The following ISL1 variants were observed in gnomAD, a reference collection of about 807,000 sequenced individuals.
ISL1 encodes insulin gene enhancer protein ISL-1.
In ISL1, 4 loss-of-function variants were observed where a neutral mutation model predicts 35.3. The observed-to-expected ratio is 0.11, with a 90% CI of 0.06 to 0.26. ISL1 has a LOEUF of 0.26. Ranked by LOEUF, ISL1 falls within the 10% of genes least tolerant of loss-of-function variation. The pLI is 1.00. For missense variants in ISL1, 340 were observed against 472.8 expected (o/e 0.72, Z 2.60); for synonymous variants, 186 against 172.3 (o/e 1.08, Z -0.62).
In ISL1 at chr5:51,389,555, GGGCA is replaced by G; in HGVS notation, c.479-90_479-87del. ...CGAGCAAGTAAGCGGGCGGGCGGGC[GGGCA>G]AGCGAGCGAGCGAGCGAGCGCGCGA... On this transcript the variant is annotated intron_variant, in intron 3 of 5. Transcript: ENST00000230658. The surrounding 1 kb of genome is among the most constrained non-coding windows in gnomAD (Gnocchi z 5.0). 1 of 1,121,774 alleles carries G rather than the reference GGGCA, an allele frequency of 8.9e-7. No homozygotes were observed. Among genetic ancestry groups the G allele is most frequent in the East Asian group, 3.3e-5 (1 of 29,874 alleles). The allele number at this position is 1,121,774 out of a possible 1,614,324, so 69.5% of individuals were successfully genotyped here.
At chr5:51,391,164 A>G (rs753838802) in intron 4 of ISL1, 110 bp from the exon 5 acceptor site, 4 of 992,802 alleles carry the variant, frequency 4.0e-6, no homozygotes, top group Non-Finnish European at 4.5e-6. Context: ...AATAAAGACC[A>G]CTATATAGAT....
Position 51,387,347 on chromosome 5 carries a change from C to T in ISL1, c.219-143C>T. 1 of 862,428 alleles carries T rather than the reference C, an allele frequency of 1.2e-6. No individual in the cohort carries two copies. The highest frequency in any genetic ancestry group is 1.9e-6 in the Non-Finnish European group (1 of 533,776). The allele number at this position is 862,428 out of a possible 1,614,324, so 53.4% of individuals were successfully genotyped here. Reference sequence around the variant, plus strand: ...GGGTTTCATTTCTGTCCTTCTGTTTCCAACTTCTGTTTGGAAATGCTGTTT... The same window carrying T: ...GGGTTTCATTTCTGTCCTTCTGTTTTCAACTTCTGTTTGGAAATGCTGTTT... On this transcript the variant is annotated intron_variant, in intron 2 of 5. Coordinates refer to ENST00000230658, the MANE Select transcript of ISL1 (RefSeq NM_002202.3). The surrounding 1 kb of genome is among the most constrained non-coding windows in gnomAD (Gnocchi z 4.3).
In ISL1 at chr5:51,387,382, G is replaced by T. The variant is rs146340606; in HGVS notation, c.219-108G>T. ...TTTGGAAATGCTGTTTACTTGGGGCGTCTTGCCCGGGATCTTGGGCCAGGG... is the reference window on the plus strand; with the variant it reads ...TTTGGAAATGCTGTTTACTTGGGGCTTCTTGCCCGGGATCTTGGGCCAGGG... On this transcript the variant is annotated intron_variant, in intron 2 of 5. Transcript: ENST00000230658. The surrounding 1 kb of genome is among the most constrained non-coding windows in gnomAD (Gnocchi z 4.3). 1.6e-6 allele frequency: 2 copies of T among 1,232,520 alleles called. No homozygotes were observed. The highest frequency in any genetic ancestry group is 5.0e-5 in the East Asian group (2 of 39,634). The allele number at this position is 1,232,520 out of a possible 1,614,324, so 76.3% of individuals were successfully genotyped here. A position where few individuals can be genotyped will look rare whatever the true frequency, so the allele number is the denominator to read the frequency against.
intron 4 of ISL1, among the ~76,000 whole-genome samples, chr5:51,390,262 G>A (rs1218756969): frequency 1.3e-5 from 2 of 152,220 alleles, no homozygotes; most frequent in Non-Finnish European, 2.9e-5. Flanking sequence ...AGGGCAGGCG[G>A]CAACGAGGTT....
rs76962366 is a variant in ISL1, at chr5:51,389,419, A to G, written c.479-227A>G. ...CTCAGCAAAGACCTCTGCAGATTAG[A>G]GAGGAAGATTTTATTCTCCCTTTCA... On this transcript the variant is annotated intron_variant, in intron 3 of 5. Coordinates refer to ENST00000230658, the MANE Select transcript of ISL1 (RefSeq NM_002202.3). This position sits in a 1 kb window ranked among gnomAD's most constrained non-coding sequence, Gnocchi z 5.0. 0.019 allele frequency among the ~76,000 whole-genome samples: 2,929 copies of G among 152,216 alleles called. 42 individuals are homozygous for G. Among genetic ancestry groups the G allele is most frequent in the Non-Finnish European group, 0.03 (2,069 of 68,008 alleles).
chr5:51,391,171 A>C, intron 4 of ISL1, 103 bp from the exon 5 acceptor site: 1 of 1,091,988 alleles, frequency 9.2e-7, no homozygotes, highest in Admixed American at 2.1e-5. Flanking sequence ...ACCACTATAT[A>C]GATAAGATAA....
Position 51,383,681 on chromosome 5 carries a change from A to T in ISL1, c.10A>T (p.Met4Leu), listed in dbSNP as rs749308235. 3.7e-6 allele frequency: 6 copies of T among 1,611,240 alleles called. No homozygotes were observed. In the Admixed American group the frequency reaches 8.3e-5, roughly 22 times the overall value. The change falls in exon 1 of 6, where the codon ATG becomes TTG. Residue 4 changes from methionine to leucine, a missense_variant. Transcript: ENST00000230658. Reference protein sequence around the residue: MGDMGDPPKKKRLI... With the variant: MGDLGDPPKKKRLI... ...ACTCCCTCTTACAGATATGGGAGAC[A>T]TGGGAGATCCACCAAAAAGTAAGAG... is the stretch of plus-strand genomic sequence containing the variant.
At chr5:51,390,718 C>A (rs1313617711) in intron 4 of ISL1, among the ~76,000 whole-genome samples, 1 of 112,514 alleles carries the variant, frequency 8.9e-6, no homozygotes, top group Non-Finnish European at 1.7e-5. Flanking sequence ...ATAAAATCTG[C>A]TGTCATTAAA....
In ISL1 at chr5:51,389,572, A is replaced by AGCGAGCGC. The variant is rs1747434347; in HGVS notation, c.479-69_479-62dup. Reference sequence around the variant, plus strand: ...GGGCGGGCGGGCAAGCGAGCGAGCGAGCGAGCGCGCGACCGCGGGCGGGCC... The same window carrying AGCGAGCGC: ...GGGCGGGCGGGCAAGCGAGCGAGCGAGCGAGCGCGCGAGCGCGCGACCGCGGGCGGGCC... On this transcript the variant is annotated intron_variant, in intron 3 of 5. Transcript: ENST00000230658. This position sits in a 1 kb window ranked among gnomAD's most constrained non-coding sequence, Gnocchi z 5.0. 7 of 1,323,096 alleles carry AGCGAGCGC rather than the reference A, an allele frequency of 5.3e-6. No individual in the cohort carries two copies. The highest frequency in any genetic ancestry group is 6.8e-6 in the Non-Finnish European group (7 of 1,030,440). The allele number at this position is 1,323,096 out of a possible 1,614,324, so 82.0% of individuals were successfully genotyped here.
At position 51,389,674 on chromosome 5, in the gene ISL1, C is replaced by T. The variant is rs1311536492; in HGVS notation, c.507C>T (p.Ala169=). 3 of 1,611,738 alleles carry T rather than the reference C, an allele frequency of 1.9e-6. No homozygotes were observed. Among genetic ancestry groups the T allele is most frequent in the African/African-American group, 1.3e-5 (1 of 74,884 alleles). Reference sequence around the variant, plus strand: ...AGCCCATCTCCGCCAGGCAGCCAGCCCTGCGGCCCCACGTCCACAAGCAGC... The same window carrying T: ...AGCCCATCTCCGCCAGGCAGCCAGCTCTGCGGCCCCACGTCCACAAGCAGC... ...AAEPISARQP[A]LRPHVHKQPE... The change falls in exon 4 of 6, where the codon GCC becomes GCT. Residue 169 remains alanine (A), a synonymous_variant. Coordinates refer to ENST00000230658, the MANE Select transcript of ISL1 (RefSeq NM_002202.3). This position sits in a 1 kb window ranked among gnomAD's most constrained non-coding sequence, Gnocchi z 5.0.
Position 51,383,541 on chromosome 5 carries a change from G to C in ISL1, c.-131G>C. On this transcript the variant is annotated 5_prime_UTR_variant, in exon 1 of 6. Coordinates refer to ENST00000230658, the MANE Select transcript of ISL1 (RefSeq NM_002202.3). Reference sequence around the variant, plus strand: ...CGAGGGCGCGGCGCAGCCGAGCAGCGGCTCTTTCAGCATTGGCAACCCCAG... The same window carrying C: ...CGAGGGCGCGGCGCAGCCGAGCAGCCGCTCTTTCAGCATTGGCAACCCCAG... 4 of 820,558 alleles carry C rather than the reference G, an allele frequency of 4.9e-6. No individual in the cohort carries two copies. The Admixed American group carries it at 7.2e-5, about 15-fold the overall frequency. 50.8% of individuals were successfully genotyped at this position (820,558 alleles called of 1,614,324 possible).
intron 1 of ISL1, 118 bp from the exon 2 acceptor site, chr5:51,384,414 AAAAAGAAAG>A: frequency 1.2e-6 from 1 of 800,686 alleles, no homozygotes; most frequent in East Asian, 2.6e-5. Context: ...AAAAAAAAAA[AAAAAGAAAG>A]AAAGAAAGAA....
intron 1 of ISL1, among the ~76,000 whole-genome samples, chr5:51,383,984 GAGA>G (rs1306392909): frequency 6.6e-6 from 1 of 152,132 alleles, no homozygotes; most frequent in South Asian, 2.1e-4. Flanking sequence ...TGAGCTCTCC[GAGA>G]AGGTTATTAT....
In ISL1 at chr5:51,389,647, G is replaced by T; in HGVS notation, c.480G>T (p.Ala160=). 1 of 1,607,838 alleles carries T rather than the reference G, an allele frequency of 6.2e-7. No homozygotes were observed. The highest frequency in any genetic ancestry group is 8.5e-7 in the Non-Finnish European group (1 of 1,179,218). ...CTCACGGCGCTCCTTGCCCCGCAGC[G>T]GAGCCCATCTCCGCCAGGCAGCCAG... is the stretch of plus-strand genomic sequence containing the variant. The part of the protein sequence containing the change: ...LHPARPLQMA[A]EPISARQPAL... Residue 160 remains alanine (A), a splice_region_variant and synonymous_variant, in exon 4 of 6, where the codon GCG becomes GCT. Coordinates refer to ENST00000230658, the MANE Select transcript of ISL1 (RefSeq NM_002202.3). This position sits in a 1 kb window ranked among gnomAD's most constrained non-coding sequence, Gnocchi z 5.0.
At chr5:51,392,597 A>C (rs901020677) in intron 5 of ISL1, among the ~76,000 whole-genome samples, 3 of 152,196 alleles carry the variant, frequency 2.0e-5, no homozygotes, top group African/African-American at 7.2e-5. Flanking sequence ...CTGTAGAAAG[A>C]AATGTAGGCT....
intron 2 of ISL1, 59 bp downstream of exon 2, chr5:51,384,789 T>C: frequency 3.4e-6 from 5 of 1,467,242 alleles, no homozygotes; most frequent in Non-Finnish European, 4.8e-6. Flanking sequence ...TCCCCACTCT[T>C]TATGTATTAT....
In ISL1 at chr5:51,393,551, A is replaced by C. The variant is rs754326704; in HGVS notation, c.991A>C (p.Met331Leu). 6.2e-7 allele frequency: 1 copy of C among 1,614,022 alleles called. No homozygotes were observed. Among genetic ancestry groups the C allele is most frequent in the Non-Finnish European group, 8.5e-7 (1 of 1,179,874 alleles). Reference protein sequence around the residue: ...SNSTGSEVASMSSQLPDTPNS... With the variant: ...SNSTGSEVASLSSQLPDTPNS... ...TTCCACTGGCAGTGAAGTAGCATCAATGTCCTCTCAACTTCCAGATACACC... is the reference window on the plus strand; with the variant it reads ...TTCCACTGGCAGTGAAGTAGCATCACTGTCCTCTCAACTTCCAGATACACC... Residue 331 changes from methionine (M) to leucine (L), a missense_variant, in exon 6 of 6, where the codon ATG becomes CTG. Physicochemically the swap from Met to Leu is conservative, Grantham distance 15. Transcript: ENST00000230658.
At chr5:51,390,471 T>A (rs1561208201) in intron 4 of ISL1, among the ~76,000 whole-genome samples, 1 of 151,974 alleles carries the variant, frequency 6.6e-6, no homozygotes, top group Non-Finnish European at 1.5e-5. Flanking sequence ...GTGACCCGCA[T>A]GCCCAGATCA....
chr5:51,390,578 G>T (rs926403299), intron 4 of ISL1, among the ~76,000 whole-genome samples: 1 of 147,888 alleles, frequency 6.8e-6, no homozygotes, highest in Non-Finnish European at 1.5e-5. Context: ...CACCCACTCT[G>T]CAGGCCTCCT....
Sources: allele counts gnomAD v4.1 joint callset (sites outside exome capture counted in the v4.1 genomes callset), GRCh38; gene constraint gnomAD v4.1.1; non-coding constraint Gnocchi (gnomAD v3.1); transcripts MANE v1.5; gene names NCBI Gene and HGNC (gene_info 2026-07-23, HGNC 2026-07-21).